The following THBS4 variants were observed in gnomAD, a reference collection of about 807,000 sequenced individuals.
The protein encoded by THBS4 is thrombospondin 4, also known as thrombospondin-4.
Under a neutral mutation model 115.7 loss-of-function variants are expected in THBS4, and 90 were observed. The ratio of observed to expected loss-of-function variants is 0.78; its 90% CI spans 0.66 to 0.93. THBS4 has a LOEUF of 0.93. THBS4 is among the 40% of genes least tolerant of loss of function. The pLI is 0.00. For missense variants in THBS4, 1,087 were observed against 1,232.7 expected, an observed-to-expected ratio of 0.88 and a Z score of 1.77; for synonymous variants, 460 against 479.3, an observed-to-expected ratio of 0.96 and a Z score of 0.53.
intron 2 of THBS4, among the ~76,000 whole-genome samples, chr5:80,052,044 G>A (rs1158435080): frequency 2.0e-5 from 3 of 152,226 alleles, no homozygotes; most frequent in South Asian, 2.1e-4. Context: ...GATAGTGAGT[G>A]AGTGTGTGTG....
rs139503870 is a variant in THBS4, at chr5:80,002,605, A to ATC, written n.177+4179_177+4180dup. ...AAGGGTGCAGAGAAAGTCAACTGTA[A>ATC]TCACTTGGTGCAGAGTGCAGGGAGA... is the stretch of plus-strand genomic sequence containing the variant. On this transcript the variant is annotated intron_variant and non_coding_transcript_variant, in intron 2 of 3. Transcript: ENST00000510218. 5.6e-3 allele frequency among the ~76,000 whole-genome samples: 859 copies of ATC among 152,108 alleles called. 9 individuals are homozygous for ATC. The highest frequency in any genetic ancestry group is 0.02 in the African/African-American group (811 of 41,498).
chr5:80,038,966 T>C (rs1832804480), intron 1 of THBS4, among the ~76,000 whole-genome samples: 1 of 152,230 alleles, frequency 6.6e-6, no homozygotes, highest in South Asian at 2.1e-4. Context: ...CAATACGTTA[T>C]TGTTTAAGTT....
chr5:80,006,428 G>A (rs1254246631), intron 2 of THBS4, among the ~76,000 whole-genome samples: 1 of 152,192 alleles, frequency 6.6e-6, no homozygotes, highest in African/African-American at 2.4e-5. Context: ...CCATGTAAGA[G>A]GAGACTTGCT....
chr5:79,998,776 A>T (rs1028780046), intron 2 of THBS4, among the ~76,000 whole-genome samples: 2 of 152,242 alleles, frequency 1.3e-5, no homozygotes, highest in African/African-American at 4.8e-5. Context: ...AAAAATGGGC[A>T]CATGAAATAT....
intron 5 of THBS4, 22 bp from the exon 6 acceptor site, chr5:80,059,418 T>C (rs1484744867): frequency 1.9e-6 from 3 of 1,612,442 alleles, no homozygotes; most frequent in Non-Finnish European, 2.5e-6. Context: ...TCAATCCTTT[T>C]TTCCCCTTCT....
At chr5:80,072,616 C>A in intron 14 of THBS4, 1 of 545,396 alleles carries the variant, frequency 1.8e-6, no homozygotes, top group South Asian at 2.7e-5. Context: ...TGTCGATTGC[C>A]TGTGAGGTTA....
chr5:80,080,962 C>A (rs1296978000), intron 20 of THBS4, among the ~76,000 whole-genome samples: 1 of 152,154 alleles, frequency 6.6e-6, no homozygotes, highest in African/African-American at 2.4e-5. Context: ...ATGAACTGAT[C>A]ATCATGTAGG....
intron 2 of THBS4, among the ~76,000 whole-genome samples, chr5:80,009,092 T>C (rs947213480): frequency 2.0e-5 from 3 of 152,132 alleles, no homozygotes; most frequent in African/African-American, 7.2e-5. Flanking sequence ...CTCCAGCAGC[T>C]TTGAGAGAAA....
chr5:80,060,305 C>T (rs1187175465), intron 7 of THBS4, among the ~76,000 whole-genome samples: 1 of 152,140 alleles, frequency 6.6e-6, no homozygotes, highest in Non-Finnish European at 1.5e-5. Flanking sequence ...CTTCAGGCTT[C>T]CTAAAATAAA....
chr5:80,017,084 G>A lies in THBS4; in HGVS notation n.177+18657G>A, dbSNP rs548517163. 1.1e-3 allele frequency among the ~76,000 whole-genome samples: 164 copies of A among 152,304 alleles called. 1 individual carries two copies. The highest frequency in any genetic ancestry group is 3.8e-3 in the African/African-American group (159 of 41,554). ...AATAAATGTTAGATGACAAAGATGG[G>A]AGGAGGAATTAGAATTACAAAGATG... On this transcript the variant is annotated intron_variant and non_coding_transcript_variant, in intron 2 of 3. Coordinates refer to the THBS4 transcript ENST00000510218.
chr5:80,054,207 T>C (rs907282397), intron 2 of THBS4, among the ~76,000 whole-genome samples: 4 of 147,768 alleles, frequency 2.7e-5, no homozygotes, highest in Non-Finnish European at 5.9e-5. Context: ...CAGGCTGGAG[T>C]GCAGTGGTTC....
chr5:80,041,700 A>G (rs919684650), intron 2 of THBS4, among the ~76,000 whole-genome samples: 1 of 152,142 alleles, frequency 6.6e-6, no homozygotes, highest in Non-Finnish European at 1.5e-5. Context: ...ACTATTTTTC[A>G]TTGCCTTCTC....
intron 8 of THBS4, among the ~76,000 whole-genome samples, chr5:80,064,100 A>T: frequency 6.6e-6 from 1 of 152,234 alleles, no homozygotes; most frequent in East Asian, 1.9e-4. Context: ...TTACAAGGAG[A>T]CAGGAAACCT....
intron 15 of THBS4, among the ~76,000 whole-genome samples, chr5:80,073,812 G>A (rs923892746): frequency 1.4e-4 from 22 of 152,190 alleles, no homozygotes; most frequent in African/African-American, 5.3e-4. Context: ...CTCCCTGAAA[G>A]TTCTGTATAG....
chr5:80,077,041 T>C lies in THBS4; in HGVS notation c.2079T>C (p.Asp693=). 1 of 1,601,544 alleles carries C rather than the reference T, an allele frequency of 6.2e-7. No homozygotes were observed. The highest frequency in any genetic ancestry group is 8.5e-7 in the Non-Finnish European group (1 of 1,173,386). The change falls in exon 16 of 22, where the codon GAT becomes GAC. Residue 693 remains aspartate (D), a synonymous_variant. Coordinates refer to ENST00000350881, the MANE Select transcript of THBS4 (RefSeq NM_003248.6). ...TGGTCCCCAACCCAGCCCAGGAGGA[T>C]AGCAACAGTAAGCAGGCTCAGCCCA... ...CRLVPNPAQE[D]SNSDGVGDIC...
At chr5:79,993,024 C>T (rs1831718031) in intron 1 of THBS4, among the ~76,000 whole-genome samples, 1 of 152,210 alleles carries the variant, frequency 6.6e-6, no homozygotes. Context: ...TTAAAACAAT[C>T]ATACAGAAAG....
intron 2 of THBS4, among the ~76,000 whole-genome samples, chr5:80,024,696 T>A (rs1044595020): frequency 1.3e-5 from 2 of 152,198 alleles, no homozygotes; most frequent in African/African-American, 4.8e-5. Flanking sequence ...GCAATGGCTT[T>A]CTAAAAATAC....
intron 10 of THBS4, chr5:80,068,596 T>A (rs1256077164): frequency 5.9e-6 from 1 of 169,830 alleles, no homozygotes; most frequent in Non-Finnish European, 1.3e-5. Flanking sequence ...TGGGCCATCG[T>A]GTAGAGGTGG....
At chr5:80,008,310 A>C (rs1832056377) in intron 2 of THBS4, among the ~76,000 whole-genome samples, 1 of 152,224 alleles carries the variant, frequency 6.6e-6, no homozygotes, top group South Asian at 2.1e-4. Context: ...TGCCAGATAA[A>C]ATATAAGATG....
Sources: allele counts gnomAD v4.1 joint callset (sites outside exome capture counted in the v4.1 genomes callset), GRCh38; gene constraint gnomAD v4.1.1; transcripts MANE v1.5; gene names NCBI Gene and HGNC (gene_info 2026-07-23, HGNC 2026-07-21).